Variants in MACROD2 observed in about 807,000 individuals in gnomAD.
MACROD2 encodes the protein mono-ADP ribosylhydrolase 2.
MACROD2 carries 36 observed loss-of-function variants against 70.4 expected under a neutral mutation model. The ratio of observed to expected loss-of-function variants is 0.51; its 90% CI spans 0.39 to 0.68. The LOEUF (loss-of-function observed/expected upper bound fraction) is 0.68. MACROD2 is among the 30% of genes least tolerant of loss of function. The probability of loss-of-function intolerance (pLI) is 0.00; values close to 1 mark genes in which losing one functional copy is unlikely to be tolerated. For missense variants in MACROD2, 496 were observed against 538.4 expected (o/e 0.92, Z 0.78); for synonymous variants, 172 against 178.8 (o/e 0.96, Z 0.30).
chr20:14,965,367 C>T (rs1381705349), intron 5 of MACROD2, among the ~76,000 whole-genome samples: 2 of 149,348 alleles, frequency 1.3e-5, no homozygotes, highest in African/African-American at 4.9e-5. Flanking sequence ...TATAGTTATA[C>T]TTTTTTGCTG....
chr20:15,605,602 C>A (rs141202251), intron 8 of MACROD2, among the ~76,000 whole-genome samples: 5 of 152,068 alleles, frequency 3.3e-5, no homozygotes, highest in Middle Eastern at 3.4e-3. Flanking sequence ...TACCTAATAG[C>A]TAAGAACATG....
intron 6 of MACROD2, among the ~76,000 whole-genome samples, chr20:15,356,522 T>C (rs2423952): frequency 0.62 from 94,350 of 151,926 alleles, 29,390 homozygotes; most frequent in East Asian, 0.75. Flanking sequence ...ATGGCTCATG[T>C]CCGTAATCCC....
chr20:15,088,400 TATATA>T (rs1568567261), intron 5 of MACROD2, among the ~76,000 whole-genome samples: 390 of 7,384 alleles, frequency 0.053, 3 homozygotes, highest in Admixed American at 0.11. Context: ...CTATATTTTA[TATATA>T]TATATATATA....
intron 3 of MACROD2, among the ~76,000 whole-genome samples, chr20:14,223,982 G>A (rs1446783253): frequency 6.6e-6 from 1 of 152,168 alleles, no homozygotes; most frequent in African/African-American, 2.4e-5. Flanking sequence ...TTAGTCCGAA[G>A]GTGATCCGTT....
At chr20:14,560,534 A>G (rs938137482) in intron 4 of MACROD2, among the ~76,000 whole-genome samples, 4 of 151,918 alleles carry the variant, frequency 2.6e-5, no homozygotes, top group Non-Finnish European at 4.4e-5. Context: ...GAAATTTTAA[A>G]ATGTCACAAC....
chr20:14,084,061 C>CAAAAAAAAAAAAA lies in MACROD2; in HGVS notation c.164-1551_164-1550insAAAAAAAAAAAAA, dbSNP rs1211049702. Among the ~76,000 whole-genome samples the CAAAAAAAAAAAAA allele has an allele frequency of 6.7e-5, 4 of 59,854 alleles. 1 individual carries two copies. The highest frequency in any genetic ancestry group is 8.3e-5 in the Non-Finnish European group (3 of 35,970). The allele number at this position is 59,854 out of a possible 152,430, so 39.3% of individuals were successfully genotyped here. ...TGGGCGTCAGAGCGAGACTCCGTCTCAAAAAAAAACAAAAAACAAACAAAA... is the reference window on the plus strand; with the variant it reads ...TGGGCGTCAGAGCGAGACTCCGTCTCAAAAAAAAAAAAAAAAAAAAAACAAAAAACAAACAAAA... On this transcript the variant is annotated intron_variant, in intron 2 of 17. Transcript: ENST00000684519.
At chr20:15,217,424 G>A in intron 5 of MACROD2, among the ~76,000 whole-genome samples, 1 of 152,224 alleles carries the variant, frequency 6.6e-6, no homozygotes. Context: ...AAAGTAATTT[G>A]CCCCAGTTCA....
At chr20:14,072,003 CTGAGTT>C (rs1365286191) in intron 2 of MACROD2, among the ~76,000 whole-genome samples, 2 of 152,168 alleles carry the variant, frequency 1.3e-5, no homozygotes, top group African/African-American at 4.8e-5. Context: ...ATATGAATCT[CTGAGTT>C]TGATGATTTT....
chr20:14,049,614 T>C (rs2053535153), intron 2 of MACROD2, among the ~76,000 whole-genome samples: 1 of 149,766 alleles, frequency 6.7e-6, no homozygotes, highest in Non-Finnish European at 1.5e-5. Context: ...TTACGTGGGC[T>C]TGGTGGCGGG....
intron 13 of MACROD2, among the ~76,000 whole-genome samples, chr20:15,976,310 G>A (rs1239478544): frequency 2.6e-5 from 4 of 152,222 alleles, no homozygotes; most frequent in Non-Finnish European, 5.9e-5. Flanking sequence ...AAAGAAAAGC[G>A]AATGGATTTT....
chr20:14,128,595 T>A (rs1034711647), intron 3 of MACROD2, among the ~76,000 whole-genome samples: 3 of 152,136 alleles, frequency 2.0e-5, no homozygotes, highest in African/African-American at 7.2e-5. Context: ...AACAACAGAT[T>A]TTCAGTGTAT....
At chr20:14,554,153 A>G (rs2423816) in intron 4 of MACROD2, among the ~76,000 whole-genome samples, 99,923 of 151,910 alleles carry the variant, frequency 0.66, 34,077 homozygotes, top group East Asian at 0.94. Flanking sequence ...ATTCCTCAAA[A>G]TCAGTAGTTC....
chr20:14,817,935 C>T (rs2072792073), intron 5 of MACROD2, among the ~76,000 whole-genome samples: 1 of 152,102 alleles, frequency 6.6e-6, no homozygotes, highest in Non-Finnish European at 1.5e-5. Context: ...ATGACCTGTA[C>T]TAGCAGTTGG....
intron 8 of MACROD2, among the ~76,000 whole-genome samples, chr20:15,855,822 C>G (rs2147153885): frequency 6.6e-6 from 1 of 152,170 alleles, no homozygotes; most frequent in East Asian, 1.9e-4. Context: ...CAACATTATG[C>G]TTGTGAGATT....
chr20:14,308,185 A>C (rs144825909), intron 3 of MACROD2, among the ~76,000 whole-genome samples: 3 of 152,238 alleles, frequency 2.0e-5, no homozygotes, highest in Non-Finnish European at 4.4e-5. Flanking sequence ...ATTGGAACAT[A>C]ATGATGGCAT....
At chr20:14,433,635 A>C (rs995635442) in intron 3 of MACROD2, among the ~76,000 whole-genome samples, 2 of 152,068 alleles carry the variant, frequency 1.3e-5, no homozygotes, top group East Asian at 3.9e-4. Context: ...AGTTAAGACT[A>C]CTCACAAAAC....
intron 8 of MACROD2, among the ~76,000 whole-genome samples, chr20:15,723,012 C>T (rs1025684892): frequency 2.0e-5 from 3 of 152,110 alleles, no homozygotes; most frequent in Admixed American, 1.3e-4. Context: ...TGTCTATTTA[C>T]CTGCAAACGC....
chr20:15,410,349 T>C (rs1457405935), intron 6 of MACROD2, among the ~76,000 whole-genome samples: 2 of 152,234 alleles, frequency 1.3e-5, no homozygotes, highest in African/African-American at 4.8e-5. Flanking sequence ...GTATATTTTG[T>C]AATTAGATTT....
chr20:14,886,200 G>A (rs1236764302), intron 5 of MACROD2, among the ~76,000 whole-genome samples: 1 of 152,090 alleles, frequency 6.6e-6, no homozygotes, highest in Non-Finnish European at 1.5e-5. Flanking sequence ...TTGAAGTGAG[G>A]GGTCTAGCTA....
Sources: gnomAD v4.1 joint callset for allele counts (sites outside exome capture counted in the v4.1 genomes callset) on GRCh38, gnomAD v4.1.1 for gene constraint, MANE v1.5 for transcripts, NCBI Gene and HGNC (gene_info 2026-07-23, HGNC 2026-07-21) for gene names.